RAPGEF2: variants seen among roughly 807,000 people sequenced by gnomAD.
RAPGEF2 encodes the protein PDZ domain containing guanine nucleotide exchange factor (GEF) 1.
A neutral mutation model predicts 186.7 loss-of-function variants in RAPGEF2; 54 were observed. The ratio of observed to expected loss-of-function variants is 0.29; its 90% CI spans 0.23 to 0.36. The LOEUF is 0.36. RAPGEF2 is among the 10% of genes least tolerant of loss of function. The pLI is 1.00. For synonymous variants in RAPGEF2, 712 were observed against 705.9 expected (o/e 1.01, Z -0.14); for missense variants, 1,532 against 2,045.0 (o/e 0.75, Z 4.84).
In RAPGEF2 at chr4:159,108,112, A is replaced by C. The variant is rs116754543; in HGVS notation, c.69+3881A>C. On this transcript the variant is annotated intron_variant, in intron 1 of 29. Coordinates refer to ENST00000691494, the MANE Select transcript of RAPGEF2 (RefSeq NM_001394067.2). ...GGTACAGAAATACATTTATAACTGA[A>C]ATATTAGCTTCAAACTCTATTGGTA... Among the ~76,000 whole-genome samples, 1,287 of 152,348 alleles carry C rather than the reference A, an allele frequency of 8.4e-3. 23 individuals carry two copies. Among genetic ancestry groups the C allele is most frequent in the African/African-American group, 0.029 (1,223 of 41,574 alleles).
chr4:159,254,904 A>G (rs868790676), intron 7 of RAPGEF2, among the ~76,000 whole-genome samples: 4 of 152,212 alleles, frequency 2.6e-5, no homozygotes, highest in African/African-American at 9.6e-5. Flanking sequence ...CCCCACCAGC[A>G]TGAGACTTTA....
rs181176745 is a variant in RAPGEF2, at chr4:159,133,772, A to G, written c.69+29541A>G. Among the ~76,000 whole-genome samples the G allele has an allele frequency of 6.0e-3, 909 of 152,080 alleles. 8 individuals carry two copies. Among genetic ancestry groups the G allele is most frequent in the East Asian group, 0.012 (64 of 5,148 alleles). On this transcript the variant is annotated intron_variant, in intron 1 of 29. Coordinates refer to ENST00000691494, the MANE Select transcript of RAPGEF2 (RefSeq NM_001394067.2). Reference sequence around the variant, plus strand: ...CTAATTTTTTGTATTTTTAGTAGAGACGGGGTTTCACCGTGTTAGCCAGGA... The same window carrying G: ...CTAATTTTTTGTATTTTTAGTAGAGGCGGGGTTTCACCGTGTTAGCCAGGA...
At chr4:159,204,481 A>G (rs968501608) in intron 3 of RAPGEF2, among the ~76,000 whole-genome samples, 1 of 152,162 alleles carries the variant, frequency 6.6e-6, no homozygotes, top group Non-Finnish European at 1.5e-5. Context: ...CCTCATGCCC[A>G]TTATTCTTTG....
chr4:159,187,914 A>G (rs1302435972), intron 2 of RAPGEF2, among the ~76,000 whole-genome samples: 1 of 152,142 alleles, frequency 6.6e-6, no homozygotes, highest in Non-Finnish European at 1.5e-5. Flanking sequence ...TGTCAATTCC[A>G]TATTTAGTTA....
chr4:159,318,396 C>G (rs1008036218), intron 9 of RAPGEF2, among the ~76,000 whole-genome samples: 1 of 152,222 alleles, frequency 6.6e-6, no homozygotes, highest in Non-Finnish European at 1.5e-5. Context: ...CTAGATGCCT[C>G]TTTTCCTACC....
intron 1 of RAPGEF2, among the ~76,000 whole-genome samples, chr4:159,155,082 T>C: frequency 6.6e-6 from 1 of 152,186 alleles, no homozygotes; most frequent in Admixed American, 6.6e-5. Flanking sequence ...CCATAATATA[T>C]TCCAAAATAT....
Position 159,350,303 on chromosome 4 carries a change from A to C in RAPGEF2, c.3865+14A>C, listed in dbSNP as rs766240665. 12 of 1,531,080 alleles carry C rather than the reference A, an allele frequency of 7.8e-6. No homozygotes were observed. The African/African-American group carries it at 1.7e-4, about 21-fold the overall frequency. The allele number at this position is 1,531,080 out of a possible 1,614,324, so 94.8% of individuals were successfully genotyped here. A position where few individuals can be genotyped will look rare whatever the true frequency, so the allele number is the denominator to read the frequency against. ...CTCCAAGGAAAGGTAGAATTAAATT[A>C]CTTTTTGTTTTCTTGTATTGAAACC... On this transcript the variant is annotated intron_variant, in intron 26 of 29. Coordinates refer to ENST00000691494, the MANE Select transcript of RAPGEF2 (RefSeq NM_001394067.2).
chr4:159,112,875 A>G (rs1738646160), intron 1 of RAPGEF2, among the ~76,000 whole-genome samples: 1 of 152,234 alleles, frequency 6.6e-6, no homozygotes, highest in Middle Eastern at 3.2e-3. Context: ...TCAATACTTA[A>G]TAGTGAAGAA....
At chr4:159,260,461 C>G (rs1756694911) in intron 7 of RAPGEF2, among the ~76,000 whole-genome samples, 1 of 152,038 alleles carries the variant, frequency 6.6e-6, no homozygotes, top group South Asian at 2.1e-4. Context: ...AGCCTTTCTA[C>G]TCGCATTTTC....
chr4:159,344,084 CCA>C (rs765054008), intron 23 of RAPGEF2, 25 bp downstream of exon 23: 6 of 1,524,370 alleles, frequency 3.9e-6, no homozygotes, highest in Admixed American at 1.7e-5. Flanking sequence ...CCTTGCATAC[CCA>C]CACACAGTTC....
chr4:159,126,023 C>T (rs1740261724), intron 1 of RAPGEF2, among the ~76,000 whole-genome samples: 2 of 152,290 alleles, frequency 1.3e-5, no homozygotes, highest in East Asian at 3.9e-4. Flanking sequence ...GCTATCAGAA[C>T]TCAGCACTTC....
chr4:159,352,732 G>C lies in RAPGEF2; in HGVS notation c.3913G>C (p.Gly1305Arg). ...SGTVDNFSDSGHSEISSRSSI... is the reference protein window; with the variant it reads ...SGTVDNFSDSRHSEISSRSSI... The stretch of plus-strand genomic sequence containing the variant: ...TACTGTGGATAATTTTTCAGATTCT[G>C]GTCACAGTGAAATTTCTTCACGATC... Residue 1305 changes from glycine to arginine, a missense_variant, in exon 27 of 30, where the codon GGT (glycine) becomes CGT (arginine). Coordinates refer to ENST00000691494, the MANE Select transcript of RAPGEF2 (RefSeq NM_001394067.2). 6.2e-7 allele frequency: 1 copy of C among 1,614,140 alleles called. No homozygotes were observed. Among genetic ancestry groups the C allele is most frequent in the Non-Finnish European group, 8.5e-7 (1 of 1,180,012 alleles).
intron 1 of RAPGEF2, among the ~76,000 whole-genome samples, chr4:159,142,696 A>C (rs1180229939): frequency 1.3e-5 from 2 of 152,224 alleles, no homozygotes; most frequent in Non-Finnish European, 2.9e-5. Context: ...TTTTCAGTTT[A>C]AATTATAGAA....
Position 159,104,051 on chromosome 4 carries a change from A to T in RAPGEF2, c.-112A>T. The T allele has an allele frequency of 4.4e-6, 2 of 454,340 alleles. No homozygotes were observed. Among genetic ancestry groups the T allele is most frequent in the Non-Finnish European group, 6.0e-6 (2 of 332,806 alleles). 28.1% of individuals were successfully genotyped at this position (454,340 alleles called of 1,614,324 possible). ...CGCCGCCGCCGCGGTTTGGCTGATT[A>T]GTCGCGGGCGGGCGGGCGGGCGCAG... On this transcript the variant is annotated 5_prime_UTR_variant, in exon 1 of 30. Coordinates refer to ENST00000691494, the MANE Select transcript of RAPGEF2 (RefSeq NM_001394067.2).
At chr4:159,140,137 A>G (rs1017860690) in intron 1 of RAPGEF2, among the ~76,000 whole-genome samples, 1 of 152,228 alleles carries the variant, frequency 6.6e-6, no homozygotes, top group Non-Finnish European at 1.5e-5. Flanking sequence ...GTATTTTCTC[A>G]GATTCATTCA....
At chr4:159,337,910 A>AAAAAAAAAAG (rs1767681602) in intron 17 of RAPGEF2, among the ~76,000 whole-genome samples, 1 of 143,108 alleles carries the variant, frequency 7.0e-6, no homozygotes, top group Non-Finnish European at 1.5e-5. Flanking sequence ...AAAAAAAAAA[A>AAAAAAAAAAG]AAAGAAAGAA....
At chr4:159,259,717 G>T (rs1182536036) in intron 7 of RAPGEF2, among the ~76,000 whole-genome samples, 1 of 151,888 alleles carries the variant, frequency 6.6e-6, no homozygotes, top group Non-Finnish European at 1.5e-5. Flanking sequence ...GTTTTTAGAG[G>T]TGAAAAAAAT....
rs540467136 is a variant in RAPGEF2 at position 159,321,506 on chromosome 4, T to G, written c.854-841T>G. Among the ~76,000 whole-genome samples, 37 of 152,268 alleles carry G rather than the reference T, an allele frequency of 2.4e-4. No individual in the cohort carries two copies. The South Asian group carries it at 7.5e-3, about 31-fold the overall frequency. On this transcript the variant is annotated intron_variant, in intron 9 of 29. Transcript: ENST00000691494. ...TACAGGCACGAGCCACTGCGCCTGG[T>G]CTTGCCATCTCTTAATTATATGATG...
chr4:159,202,546 C>T (rs763709490), intron 3 of RAPGEF2, among the ~76,000 whole-genome samples: 3 of 152,116 alleles, frequency 2.0e-5, no homozygotes, highest in Non-Finnish European at 4.4e-5. Flanking sequence ...CAACGCCTGC[C>T]GCTCTGTTTT....
Sources: allele counts gnomAD v4.1 joint callset (sites outside exome capture counted in the v4.1 genomes callset), GRCh38; gene constraint gnomAD v4.1.1; transcripts MANE v1.5; gene names NCBI Gene and HGNC (gene_info 2026-07-23, HGNC 2026-07-21).